GUCY2F: variants seen among roughly 807,000 people sequenced by gnomAD.
GUCY2F encodes the protein guanylate cyclase 2F, retinal.
A neutral mutation model predicts 73.1 loss-of-function variants in GUCY2F; 61 were observed. The ratio of observed to expected loss-of-function variants is 0.83; its 90% CI spans 0.68 to 1.03. GUCY2F has a LOEUF of 1.03. GUCY2F is among the 50% of genes least tolerant of loss of function. The pLI, the probability that GUCY2F is intolerant of heterozygous loss-of-function variation, is 0.00. For synonymous variants in GUCY2F, 331 were observed against 307.8 expected (o/e 1.08, Z -0.79); for missense variants, 912 against 854.3 (o/e 1.07, Z -0.84).
chrX:109,425,335 TTGTGTGTGTG>T (rs755304809), intron 8 of GUCY2F, among the ~76,000 whole-genome samples: 2 of 98,207 alleles, frequency 2.0e-5, no homozygotes, highest in African/African-American at 7.4e-5. Flanking sequence ...AAAGAAATTG[TTGTGTGTGTG>T]TGTGTGTGTG....
In GUCY2F at chrX:109,452,046, A is replaced by G; in HGVS notation, c.1449T>C (p.Ile483=). 2 of 1,090,388 alleles carry G rather than the reference A, an allele frequency of 1.8e-6. No homozygotes were observed. The highest frequency in any genetic ancestry group is 1.3e-6 in the Non-Finnish European group (1 of 784,838). 89.9% of individuals were successfully genotyped at this position (1,090,388 alleles called of 1,213,427 possible). A position where few individuals can be genotyped will look rare whatever the true frequency, so the allele number is the denominator to read the frequency against. Residue 483 remains isoleucine (I), a synonymous_variant, in exon 5 of 20, where the codon ATT becomes ATC. Transcript: ENST00000218006. The part of the protein sequence containing the change: ...CLTLLIALLS[I]NGFAYFIRRR... ...ACCTTATAAAGTAAGCAAATCCATT[A>G]ATAGACAGCAGGGCTATAAGCAAAG...
intron 6 of GUCY2F, among the ~76,000 whole-genome samples, chrX:109,446,360 C>T (rs945931816): frequency 8.9e-6 from 1 of 111,738 alleles, no homozygotes; most frequent in South Asian, 3.8e-4. Flanking sequence ...CATCACACTA[C>T]CTGATTTCAA....
intron 9 of GUCY2F, among the ~76,000 whole-genome samples, 162 bp downstream of exon 9, chrX:109,408,830 T>C: frequency 8.9e-6 from 1 of 112,038 alleles, no homozygotes; most frequent in Non-Finnish European, 1.9e-5. Context: ...CATCTCTTTC[T>C]TCCCAGTCTC....
intron 8 of GUCY2F, among the ~76,000 whole-genome samples, chrX:109,412,602 G>A (rs996854320): frequency 8.9e-6 from 1 of 112,296 alleles, no homozygotes; most frequent in Non-Finnish European, 1.9e-5. Flanking sequence ...GAACTCTGTT[G>A]GAAGAAAAAG....
chrX:109,397,018 C>CAATA (rs1930726549), intron 11 of GUCY2F, among the ~76,000 whole-genome samples: 1 of 112,031 alleles, frequency 8.9e-6, no homozygotes, highest in South Asian at 3.7e-4. Flanking sequence ...CAGTGGCAAA[C>CAATA]AATATAAGTG....
intron 11 of GUCY2F, among the ~76,000 whole-genome samples, chrX:109,395,768 A>C (rs1041560995): frequency 4.5e-5 from 5 of 111,765 alleles, no homozygotes; most frequent in African/African-American, 1.6e-4. Flanking sequence ...TGCCTATCTG[A>C]TGGCAATTCT....
intron 5 of GUCY2F, among the ~76,000 whole-genome samples, chrX:109,450,365 CA>C (rs891193320): frequency 9.0e-6 from 1 of 111,127 alleles, no homozygotes; most frequent in Non-Finnish European, 1.9e-5. Context: ...CCCAAAGAAC[CA>C]GTCCATACAG....
chrX:109,447,360 G>A, intron 6 of GUCY2F, among the ~76,000 whole-genome samples: 1 of 110,803 alleles, frequency 9.0e-6, no homozygotes, highest in South Asian at 3.8e-4. Flanking sequence ...CAATAGCAAA[G>A]ACTTGGAACC....
rs780944243 is a variant in GUCY2F, at chrX:109,468,387, T to C, written c.731-2944A>G. On this transcript the variant is annotated intron_variant, in intron 2 of 19. Coordinates refer to ENST00000218006, the MANE Select transcript of GUCY2F (RefSeq NM_001522.3). Reference sequence around the variant, plus strand: ...ACACAATGAATGTTGTTTAGATGAATGTTTGTAAACTAACAGCCTCTTCAG... The same window carrying C: ...ACACAATGAATGTTGTTTAGATGAACGTTTGTAAACTAACAGCCTCTTCAG... 1.1e-4 allele frequency among the ~76,000 whole-genome samples: 12 copies of C among 112,349 alleles called. No individual in the cohort carries two copies. In the South Asian group the frequency reaches 1.1e-3, roughly 10 times the overall value.
intron 8 of GUCY2F, among the ~76,000 whole-genome samples, chrX:109,410,511 T>C (rs781553095): frequency 8.9e-6 from 1 of 112,659 alleles, no homozygotes; most frequent in African/African-American, 3.2e-5. Flanking sequence ...CATTCATTCA[T>C]TTTATTTCAC....
Position 109,475,879 on chromosome X carries a change from T to A in GUCY2F, c.58A>T (p.Lys20Ter). 1 of 1,210,011 alleles carries A rather than the reference T, an allele frequency of 8.3e-7. No homozygotes were observed. Among genetic ancestry groups the A allele is most frequent in the Non-Finnish European group, 1.1e-6 (1 of 894,853 alleles). The stretch of plus-strand genomic sequence containing the variant: ...GCAAGGCCATGGTGTCCCAGCAGTT[T>A]CCTGAAAGCCGCAAACCAGAGAACA... ...RLVLWFAAFR[K>*]LLGHHGLASA... The change falls in exon 2 of 20, where the codon AAA becomes TAA. Residue 20 changes from lysine to a stop codon, truncating the protein, a stop_gained. Transcript: ENST00000218006. LOFTEE classifies it high-confidence loss of function.
rs757225019 is a variant in GUCY2F, at chrX:109,430,317, A to G, written c.1781T>C (p.Val594Ala). The G allele has an allele frequency of 9.6e-7, 1 of 1,045,434 alleles. No individual in the cohort carries two copies. Among genetic ancestry groups the G allele is most frequent in the Non-Finnish European group, 1.3e-6 (1 of 744,925 alleles). The allele number at this position is 1,045,434 out of a possible 1,213,427, so 86.2% of individuals were successfully genotyped here. A position where few individuals can be genotyped will look rare whatever the true frequency, so the allele number is the denominator to read the frequency against. ...LKSIKSRASD[V>A]FEMMKDLRHE... ...GAAGATTTCTCATACCATTTCGAAC[A>G]CATCACTTGCTCTTGATTTGATGGA... Residue 594 changes from valine to alanine, a missense_variant, in exon 8 of 20, where the codon GTG becomes GCG. By Grantham distance (64) the Val-to-Ala change is moderately conservative (BLOSUM62 0). Coordinates refer to ENST00000218006, the MANE Select transcript of GUCY2F (RefSeq NM_001522.3).
chrX:109,404,217 T>C, intron 10 of GUCY2F, 111 bp downstream of exon 10: 2 of 602,158 alleles, frequency 3.3e-6, no homozygotes, highest in Non-Finnish European at 5.2e-6. Context: ...GGCTGGATTT[T>C]CAACAAAAGT....
intron 2 of GUCY2F, among the ~76,000 whole-genome samples, chrX:109,471,572 G>C (rs1932575308): frequency 1.8e-5 from 2 of 112,374 alleles, no homozygotes; most frequent in African/African-American, 3.2e-5. Context: ...CTTGTGCAGG[G>C]CACAACCTAC....
intron 15 of GUCY2F, among the ~76,000 whole-genome samples, chrX:109,387,876 G>T (rs191926587): frequency 1.8e-5 from 2 of 111,830 alleles, no homozygotes; most frequent in East Asian, 5.7e-4. Context: ...ATTTTAGGGA[G>T]GCTTGTCATG....
At chrX:109,396,797 C>T (rs1930721313) in intron 11 of GUCY2F, among the ~76,000 whole-genome samples, 1 of 112,488 alleles carries the variant, frequency 8.9e-6, no homozygotes, top group African/African-American at 3.2e-5. Flanking sequence ...TCAGGCTGTA[C>T]CAGTAATGAT....
chrX:109,411,608 G>A (rs1233570855), intron 8 of GUCY2F, among the ~76,000 whole-genome samples: 1 of 111,818 alleles, frequency 8.9e-6, no homozygotes, highest in African/African-American at 3.3e-5. Context: ...AAGACAGATG[G>A]AAAAGCACAT....
chrX:109,388,727 G>T, intron 14 of GUCY2F, 64 bp from the exon 15 acceptor site: 1 of 787,410 alleles, frequency 1.3e-6, no homozygotes, highest in Non-Finnish European at 1.9e-6. Flanking sequence ...GCACAGAGCT[G>T]TAAGGGTATA....
intron 11 of GUCY2F, among the ~76,000 whole-genome samples, chrX:109,395,803 C>A (rs1020429009): frequency 9.0e-6 from 1 of 111,626 alleles, no homozygotes; most frequent in African/African-American, 3.3e-5. Flanking sequence ...AGGGACCTGG[C>A]TCCCCTCACC....
Sources: gnomAD v4.1 joint callset for allele counts (sites outside exome capture counted in the v4.1 genomes callset) on GRCh38, gnomAD v4.1.1 for gene constraint, MANE v1.5 for transcripts, NCBI Gene and HGNC (gene_info 2026-07-23, HGNC 2026-07-21) for gene names.